METTL8: variants seen among roughly 807,000 people sequenced by gnomAD.
METTL8 encodes tRNA N(3)-cytidine methyltransferase METTL8, mitochondrial.
METTL8 carries 32 observed loss-of-function variants against 48.7 expected under a neutral mutation model. The observed-to-expected ratio is 0.66, with a 90% CI of 0.50 to 0.88. The LOEUF is 0.88. Ranked by LOEUF, METTL8 falls within the 40% of genes least tolerant of loss-of-function variation. METTL8 has a pLI of 0.00. For missense variants in METTL8, 464 were observed against 474.4 expected (o/e 0.98, Z 0.20); for synonymous variants, 136 against 157.1 (o/e 0.87, Z 1.01).
rs1325832293 is a variant in METTL8 at position 171,325,882 on chromosome 2, T to A, written c.992A>T (p.Tyr331Phe). Residue 331 changes from tyrosine to phenylalanine, a missense_variant, in exon 9 of 10, where the codon TAT (tyrosine) becomes TTT (phenylalanine). Tyr to Phe is a conservative substitution (Grantham distance 22). Coordinates refer to ENST00000375258, the MANE Select transcript of METTL8 (RefSeq NM_001321154.2). ...TGCTCTGGTACCATCTCCTCGAACA[T>A]AAAAATTTTCAGATAAACAATGTCC... ...KKGHCLSENF[Y>F]VRGDGTRAYF... The A allele has an allele frequency of 1.9e-6, 3 of 1,601,826 alleles. No individual in the cohort carries two copies. The South Asian group carries it at 3.4e-5, about 18-fold the overall frequency.
intron 3 of METTL8, among the ~76,000 whole-genome samples, chr2:171,355,549 A>G (rs1684436262): frequency 6.6e-6 from 1 of 152,184 alleles, no homozygotes; most frequent in Non-Finnish European, 1.5e-5. Flanking sequence ...TTGTTCAGCT[A>G]TGCCCTGCCC....
At chr2:171,337,059 G>A (rs985491050) in intron 5 of METTL8, among the ~76,000 whole-genome samples, 45 of 151,744 alleles carry the variant, frequency 3.0e-4, no homozygotes, top group Admixed American at 2.6e-3. Context: ...TAGAGGTGGT[G>A]TTTCACCATG....
intron 1 of METTL8, among the ~76,000 whole-genome samples, chr2:171,410,185 G>A (rs1351935321): frequency 6.6e-6 from 1 of 152,178 alleles, no homozygotes; most frequent in Non-Finnish European, 1.5e-5. Context: ...TTGTAAGACA[G>A]TTGTTAAGAG....
At chr2:171,352,490 G>A (rs190287840) in intron 3 of METTL8, among the ~76,000 whole-genome samples, 72 of 152,308 alleles carry the variant, frequency 4.7e-4, no homozygotes, top group Non-Finnish European at 8.5e-4. Flanking sequence ...CATAAAATGA[G>A]TTAGGGAGGA....
At chr2:171,429,766 G>A (rs187313887) in intron 1 of METTL8, among the ~76,000 whole-genome samples, 73 of 152,290 alleles carry the variant, frequency 4.8e-4, no homozygotes, top group Non-Finnish European at 9.1e-4. Context: ...TCAGCCAGGC[G>A]TGGTGGCTCA....
intron 2 of METTL8, among the ~76,000 whole-genome samples, chr2:171,385,494 A>C (rs1314107428): frequency 6.6e-6 from 1 of 152,208 alleles, no homozygotes; most frequent in Non-Finnish European, 1.5e-5. Context: ...CTTCTCCTTA[A>C]GAAGAAAAAA....
At chr2:171,342,220 A>G (rs1380457002) in intron 3 of METTL8, among the ~76,000 whole-genome samples, 1 of 152,186 alleles carries the variant, frequency 6.6e-6, no homozygotes, top group Non-Finnish European at 1.5e-5. Flanking sequence ...TCTGGCCACA[A>G]GACTTCCTTC....
intron 1 of METTL8, chr2:171,433,239 A>C (rs936352432): frequency 6.6e-6 from 1 of 152,198 alleles, no homozygotes; most frequent in Admixed American, 6.5e-5. Context: ...ACCCATGCAG[A>C]CGTGGGGAGA....
intron 1 of METTL8, among the ~76,000 whole-genome samples, chr2:171,407,124 T>A (rs1690263495): frequency 6.6e-6 from 1 of 152,098 alleles, no homozygotes; most frequent in Non-Finnish European, 1.5e-5. Context: ...CCATGCTGAC[T>A]GGGAAAAAAA....
At chr2:171,430,801 C>G (rs914188014) in intron 1 of METTL8, among the ~76,000 whole-genome samples, 1 of 152,142 alleles carries the variant, frequency 6.6e-6, no homozygotes, top group Non-Finnish European at 1.5e-5. Context: ...TGGACCAGAT[C>G]GAGAACCTCT....
chr2:171,320,155 A>G lies in METTL8; in HGVS notation c.*4017T>C, dbSNP rs1378505182. The G allele has an allele frequency of 6.6e-6, 1 of 152,056 alleles. No individual in the cohort carries two copies. The highest frequency in any genetic ancestry group is 6.6e-5 in the Admixed American group (1 of 15,256). 9.4% of individuals were successfully genotyped at this position (152,056 alleles called of 1,614,324 possible). ...CCCTTTTCTTTCTGTGCCAAAATCT[A>G]CATTTCTATCTAGCAGCAAACCCCG... is the stretch of plus-strand genomic sequence containing the variant. On this transcript the variant is annotated 3_prime_UTR_variant, in exon 10 of 10. Coordinates refer to ENST00000375258, the MANE Select transcript of METTL8 (RefSeq NM_001321154.2).
intron 3 of METTL8, among the ~76,000 whole-genome samples, chr2:171,345,060 T>A (rs1393677542): frequency 1.3e-5 from 2 of 152,330 alleles, no homozygotes; most frequent in East Asian, 3.9e-4. Flanking sequence ...GACAAATTTT[T>A]CTTGGAGGAA....
rs946386689 is a variant in METTL8, at chr2:171,322,196, C to T, written c.*1976G>A. 13 of 152,010 alleles carry T rather than the reference C, an allele frequency of 8.6e-5. No individual in the cohort carries two copies. The highest frequency in any genetic ancestry group is 3.1e-4 in the African/African-American group (13 of 41,486). 9.4% of individuals were successfully genotyped at this position (152,010 alleles called of 1,614,324 possible). ...GGTCAGGCTGGTCTTGAACTCCTGA[C>T]CTCATGATCCGCCTCCTCGGCCTCC... On this transcript the variant is annotated 3_prime_UTR_variant, in exon 10 of 10. Transcript: ENST00000375258.
intron 2 of METTL8, among the ~76,000 whole-genome samples, chr2:171,371,868 A>ATTC (rs1686394189): frequency 7.4e-6 from 1 of 135,868 alleles, no homozygotes; most frequent in Non-Finnish European, 1.6e-5. Flanking sequence ...TATTATTATT[A>ATTC]TTGTAGAGAC....
Position 171,360,466 on chromosome 2 carries a change from T to A in METTL8, c.191A>T (p.Lys64Ile). 4.3e-6 allele frequency: 7 copies of A among 1,613,962 alleles called. No homozygotes were observed. The highest frequency in any genetic ancestry group is 5.9e-6 in the Non-Finnish European group (7 of 1,179,978). Reference protein sequence around the residue: ...SKEEEAAARKKVKENSAVRVL... With the variant: ...SKEEEAAARKIVKENSAVRVL... ...TCGCACAGCTGAGTTTTCTTTTACTTTTTTTCTGGCTGCTGCTTCTTCTTC... is the reference window on the plus strand; with the variant it reads ...TCGCACAGCTGAGTTTTCTTTTACTATTTTTCTGGCTGCTGCTTCTTCTTC... Residue 64 changes from lysine to isoleucine, a missense_variant, in exon 3 of 10, where the codon AAA becomes ATA. Physicochemically the swap from Lys to Ile is moderately radical, Grantham distance 102. Transcript: ENST00000375258.
At position 171,324,273 on chromosome 2, in the gene METTL8, C is replaced by T. The variant is rs1173399303; in HGVS notation, c.1123G>A (p.Val375Met). The T allele has an allele frequency of 6.4e-7, 1 of 1,551,596 alleles. No individual in the cohort carries two copies. The highest frequency in any genetic ancestry group is 1.2e-5 in the South Asian group (1 of 84,060). Reference protein sequence around the residue: ...RRLQVNRKKQVKMHRVWIQGK... With the variant: ...RRLQVNRKKQMKMHRVWIQGK... ...TGAATCCACACTCGGTGCATTTTCA[C>T]TTGTTTTTTCCTATTAACTTGTAAG... The change falls in exon 10 of 10, where the codon GTG (valine) becomes ATG (methionine). Residue 375 changes from valine (V) to methionine (M), a missense_variant. Coordinates refer to ENST00000375258, the MANE Select transcript of METTL8 (RefSeq NM_001321154.2).
At chr2:171,405,456 T>G (rs1484572425) in intron 1 of METTL8, among the ~76,000 whole-genome samples, 2 of 152,170 alleles carry the variant, frequency 1.3e-5, no homozygotes, top group African/African-American at 4.8e-5. Context: ...TTTATCAAGG[T>G]GATTTGAAAC....
chr2:171,358,549 A>G (rs1270659811), intron 3 of METTL8, among the ~76,000 whole-genome samples: 1 of 152,182 alleles, frequency 6.6e-6, no homozygotes, highest in Admixed American at 6.5e-5. Context: ...TGTCAAGTAC[A>G]TATGATGGGG....
intron 2 of METTL8, among the ~76,000 whole-genome samples, chr2:171,362,845 A>T (rs1685305447): frequency 6.6e-6 from 1 of 152,156 alleles, no homozygotes; most frequent in Non-Finnish European, 1.5e-5. Context: ...ACTACACTTT[A>T]AATTCTGTAT....
Sources: allele counts gnomAD v4.1 joint callset (sites outside exome capture counted in the v4.1 genomes callset), GRCh38; gene constraint gnomAD v4.1.1; transcripts MANE v1.5; gene names NCBI Gene and HGNC (gene_info 2026-07-23, HGNC 2026-07-21).